RAMP1: variants seen among roughly 807,000 people sequenced by gnomAD.
RAMP1 encodes receptor activity modifying protein 1, also known as receptor activity-modifying protein 1.
Under a neutral mutation model 8.2 loss-of-function variants are expected in RAMP1, and 7 were observed. The ratio of observed to expected loss-of-function variants is 0.85; its 90% confidence interval spans 0.49 to 1.60. The LOEUF is 1.60. Among genes scored for constraint, RAMP1 ranks in the 40% most tolerant of loss-of-function variants. The probability of loss-of-function intolerance (pLI) is 0.00; values close to 1 mark genes in which losing one functional copy is unlikely to be tolerated. For synonymous variants in RAMP1, 92 were observed against 84.7 expected, an observed-to-expected ratio of 1.09 and a Z score of -0.47; for missense variants, 192 against 202.4, an observed-to-expected ratio of 0.95 and a Z score of 0.31.
intron 2 of RAMP1, among the ~76,000 whole-genome samples, chr2:237,904,079 G>A (rs973963078): frequency 6.6e-6 from 1 of 152,188 alleles, no homozygotes; most frequent in African/African-American, 2.4e-5. Context: ...CTGGATGTTT[G>A]GTCTTTCATT....
intron 2 of RAMP1, among the ~76,000 whole-genome samples, chr2:237,901,933 C>T (rs1035675909): frequency 2.0e-5 from 3 of 152,042 alleles, no homozygotes; most frequent in Non-Finnish European, 2.9e-5. Flanking sequence ...CACTTCTGCC[C>T]CATCCTGGGC....
rs893476876 is a variant in RAMP1 at position 237,862,867 on chromosome 2, G to A, written c.52+3140G>A. Among the ~76,000 whole-genome samples the A allele has an allele frequency of 6.6e-6, 1 of 152,182 alleles. No homozygotes were observed. The highest frequency in any genetic ancestry group is 1.5e-5 in the Non-Finnish European group (1 of 68,038). ...TCTGCTGGAACCACGGGGAAAAGCT[G>A]CGTCTTTCCTCCAGGCTGGATCTGA... On this transcript the variant is annotated intron_variant, in intron 1 of 2. Coordinates refer to ENST00000254661, the MANE Select transcript of RAMP1 (RefSeq NM_005855.4). This position sits in a 1 kb window ranked among gnomAD's most constrained non-coding sequence, Gnocchi z 4.0.
At chr2:237,881,058 C>A (rs2062363781) in intron 2 of RAMP1, among the ~76,000 whole-genome samples, 1 of 152,204 alleles carries the variant, frequency 6.6e-6, no homozygotes, top group African/African-American at 2.4e-5. Context: ...GGGCAACTTA[C>A]CTCATCAGTT....
At chr2:237,898,533 C>G (rs1351062833) in intron 2 of RAMP1, among the ~76,000 whole-genome samples, 1 of 152,176 alleles carries the variant, frequency 6.6e-6, no homozygotes, top group African/African-American at 2.4e-5. Context: ...GCCTGCTGGC[C>G]CAGCACACAT....
At chr2:237,884,234 G>C (rs897386631) in intron 2 of RAMP1, among the ~76,000 whole-genome samples, 1 of 152,176 alleles carries the variant, frequency 6.6e-6, no homozygotes, top group Non-Finnish European at 1.5e-5. Flanking sequence ...AGGCTCCCCT[G>C]CAAGCTGGCT....
At chr2:237,886,366 G>C (rs553992722) in intron 2 of RAMP1, among the ~76,000 whole-genome samples, 1 of 152,202 alleles carries the variant, frequency 6.6e-6, no homozygotes, top group Non-Finnish European at 1.5e-5. Flanking sequence ...CAGGTCAGGG[G>C]TTGCCTCACT....
chr2:237,897,323 C>T (rs1215802160), intron 2 of RAMP1, among the ~76,000 whole-genome samples: 2 of 152,204 alleles, frequency 1.3e-5, no homozygotes, highest in East Asian at 3.9e-4. Context: ...ACAGGTGGTC[C>T]CGTGTCTGCC....
At position 237,878,262 on chromosome 2, in the gene RAMP1, A is replaced by T; in HGVS notation, c.191+900A>T. 1 of 888,556 alleles carries T rather than the reference A, an allele frequency of 1.1e-6. No homozygotes were observed. The highest frequency in any genetic ancestry group is 1.3e-6 in the Non-Finnish European group (1 of 741,644). 55.0% of individuals were successfully genotyped at this position (888,556 alleles called of 1,614,324 possible). ...AGCGCTTTCCCCAGTGCCTGAGAGAAAGGGAGCCCTGGGGACTGGTGGGGA... is the reference window on the plus strand; with the variant it reads ...AGCGCTTTCCCCAGTGCCTGAGAGATAGGGAGCCCTGGGGACTGGTGGGGA... On this transcript the variant is annotated intron_variant, in intron 2 of 2. Coordinates refer to ENST00000254661, the MANE Select transcript of RAMP1 (RefSeq NM_005855.4). The surrounding 1 kb of genome is among the most constrained non-coding windows in gnomAD (Gnocchi z 5.7).
rs1295770407 is a variant in RAMP1, at chr2:237,877,493, G to T, written c.191+131G>T. On this transcript the variant is annotated intron_variant, in intron 2 of 2. Transcript: ENST00000254661. The surrounding 1 kb of genome is among the most constrained non-coding windows in gnomAD (Gnocchi z 4.4). ...CCGGAAGGGTTCTTCCCCCAGTGGG[G>T]GGGGCCGGGATGAAGACAGAGGAGG... 1 of 1,268,882 alleles carries T rather than the reference G, an allele frequency of 7.9e-7. No individual in the cohort carries two copies. The allele number at this position is 1,268,882 out of a possible 1,614,324, so 78.6% of individuals were successfully genotyped here.
intron 1 of RAMP1, among the ~76,000 whole-genome samples, chr2:237,875,289 A>G (rs966584831): frequency 6.6e-6 from 1 of 152,102 alleles, no homozygotes; most frequent in Admixed American, 6.5e-5. Flanking sequence ...CCCAAGGTGC[A>G]CTCACAGTGC....
In RAMP1 at chr2:237,859,878, C is replaced by A. The variant is rs1380150970; in HGVS notation, c.52+151C>A. 3 of 750,488 alleles carry A rather than the reference C, an allele frequency of 4.0e-6. No individual in the cohort carries two copies. The East Asian group carries it at 1.1e-4, about 27-fold the overall frequency. 46.5% of individuals were successfully genotyped at this position (750,488 alleles called of 1,614,324 possible). On this transcript the variant is annotated intron_variant, in intron 1 of 2. Coordinates refer to ENST00000254661, the MANE Select transcript of RAMP1 (RefSeq NM_005855.4). ...ATCCGCTGCCCTTGAACGCGGGCCG[C>A]CCCGGTTCCAGGCGGGAGGCCCCAG...
chr2:237,884,164 C>T (rs1186629592), intron 2 of RAMP1, among the ~76,000 whole-genome samples: 1 of 152,128 alleles, frequency 6.6e-6, no homozygotes, highest in Non-Finnish European at 1.5e-5. Context: ...TGTTGGGTGT[C>T]TTCCACTCAG....
chr2:237,879,066 G>T (rs901379953), intron 2 of RAMP1, among the ~76,000 whole-genome samples: 2 of 152,208 alleles, frequency 1.3e-5, no homozygotes, highest in African/African-American at 2.4e-5. Context: ...AGTTGAGTGG[G>T]AAGAGGTTGT....
chr2:237,875,519 G>T (rs77707087), intron 1 of RAMP1, among the ~76,000 whole-genome samples: 1 of 152,120 alleles, frequency 6.6e-6, no homozygotes. Flanking sequence ...GAGGTGGGGG[G>T]ACTCTGTCTC....
rs768826156 is a variant in RAMP1 at position 237,877,292 on chromosome 2, C to T, written c.121C>T (p.Leu41Phe). The change falls in exon 2 of 3, where the codon CTC (leucine) becomes TTC (phenylalanine). Residue 41 changes from leucine (L) to phenylalanine (F), a missense_variant. By Grantham distance (22) the Leu-to-Phe change is conservative. Coordinates refer to ENST00000254661, the MANE Select transcript of RAMP1 (RefSeq NM_005855.4). This position sits in a 1 kb window ranked among gnomAD's most constrained non-coding sequence, Gnocchi z 4.4. The part of the protein sequence containing the change: ...NYGALLRELC[L>F]TQFQVDMEAV... The stretch of plus-strand genomic sequence containing the variant: ...CGGTGCCCTCCTCCGGGAGCTCTGC[C>T]TCACCCAGTTCCAGGTAGACATGGA... The T allele has an allele frequency of 9.9e-6, 16 of 1,613,964 alleles. No homozygotes were observed. The highest frequency in any genetic ancestry group is 1.3e-5 in the African/African-American group (1 of 74,932).
At chr2:237,894,507 C>T (rs1466464411) in intron 2 of RAMP1, among the ~76,000 whole-genome samples, 4 of 152,198 alleles carry the variant, frequency 2.6e-5, no homozygotes, top group Admixed American at 6.5e-5. Flanking sequence ...CATACGTCCT[C>T]AGACCTGGGG....
intron 1 of RAMP1, among the ~76,000 whole-genome samples, chr2:237,863,073 G>A (rs575509847): frequency 2.6e-5 from 4 of 152,306 alleles, no homozygotes; most frequent in South Asian, 2.1e-4. Context: ...AGGGGGCTCC[G>A]AGAATGGCGT....
chr2:237,902,451 G>A (rs529796091), intron 2 of RAMP1, among the ~76,000 whole-genome samples: 15 of 151,792 alleles, frequency 9.9e-5, no homozygotes, highest in Non-Finnish European at 1.8e-4. Context: ...CCAGGAGGAC[G>A]CAGAGGTCTC....
chr2:237,867,067 A>T (rs1324067568), intron 1 of RAMP1, among the ~76,000 whole-genome samples: 1 of 152,130 alleles, frequency 6.6e-6, no homozygotes, highest in Non-Finnish European at 1.5e-5. Flanking sequence ...TAGAGAAAAG[A>T]AAGTGTTATT....
Sources: gnomAD v4.1 joint callset for allele counts (sites outside exome capture counted in the v4.1 genomes callset) on GRCh38, gnomAD v4.1.1 for gene constraint, Gnocchi (gnomAD v3.1) non-coding constraint, MANE v1.5 for transcripts, NCBI Gene and HGNC (gene_info 2026-07-23, HGNC 2026-07-21) for gene names.